Variants in COL24A1 observed in about 807,000 individuals in gnomAD.
COL24A1 encodes collagen alpha-1(XXIV) chain.
COL24A1 carries 224 observed loss-of-function variants against 253.9 expected under a neutral mutation model. The ratio of observed to expected loss-of-function variants is 0.88; its 90% CI spans 0.79 to 0.99. The LOEUF (loss-of-function observed/expected upper bound fraction) is 0.99, where lower values mean the gene tolerates loss of function less well. COL24A1 is among the 50% of genes least tolerant of loss of function. COL24A1 has a pLI of 0.00. For missense variants in COL24A1, 2,131 were observed against 2,068.5 expected (o/e 1.03, Z -0.59); for synonymous variants, 685 against 673.7 (o/e 1.02, Z -0.26).
At chr1:85,866,525 G>A (rs914214581) in intron 37 of COL24A1, among the ~76,000 whole-genome samples, 5 of 152,172 alleles carry the variant, frequency 3.3e-5, no homozygotes, top group Middle Eastern at 3.4e-3. Context: ...TGTAATCCCA[G>A]CACTTTGGAA....
chr1:85,732,316 G>A lies in COL24A1; in HGVS notation c.4999-1624C>T, dbSNP rs189661771. 2.6e-4 allele frequency among the ~76,000 whole-genome samples: 39 copies of A among 151,138 alleles called. 1 individual carries two copies. The East Asian group carries it at 7.0e-3, about 27-fold the overall frequency. ...GCAATCTAGGCTCACTGCAAGCTCC[G>A]CCTCCCAGGTTCACGCCATTCTCCT... On this transcript the variant is annotated intron_variant, in intron 59 of 59. Transcript: ENST00000370571.
intron 24 of COL24A1, among the ~76,000 whole-genome samples, chr1:85,953,457 T>C (rs1690127551): frequency 6.6e-6 from 1 of 152,234 alleles, no homozygotes; most frequent in African/African-American, 2.4e-5. Flanking sequence ...AGAGGACTAA[T>C]GTTTTGGCAA....
At chr1:86,008,494 C>A (rs900210053) in intron 19 of COL24A1, among the ~76,000 whole-genome samples, 2 of 152,182 alleles carry the variant, frequency 1.3e-5, no homozygotes, top group Non-Finnish European at 2.9e-5. Flanking sequence ...CAATCCCCGG[C>A]CTATTTCTTT....
At chr1:86,060,308 T>G (rs1266471287) in intron 8 of COL24A1, among the ~76,000 whole-genome samples, 1 of 152,128 alleles carries the variant, frequency 6.6e-6, no homozygotes, top group African/African-American at 2.4e-5. Context: ...CAGAAGAAAG[T>G]GTGTTGAGCT....
intron 7 of COL24A1, among the ~76,000 whole-genome samples, chr1:86,071,321 G>C (rs532829228): frequency 1.5e-4 from 23 of 151,404 alleles, no homozygotes; most frequent in Non-Finnish European, 3.1e-4. Context: ...TGAAAAACTG[G>C]AATGGAGGAA....
intron 37 of COL24A1, among the ~76,000 whole-genome samples, chr1:85,858,425 C>T (rs1444738523): frequency 6.6e-6 from 1 of 152,112 alleles, no homozygotes; most frequent in Non-Finnish European, 1.5e-5. Flanking sequence ...CCCCTTCTGC[C>T]TTAGGGCCTT....
At chr1:86,027,396 G>A (rs1197018018) in intron 14 of COL24A1, among the ~76,000 whole-genome samples, 1 of 152,146 alleles carries the variant, frequency 6.6e-6, no homozygotes, top group Non-Finnish European at 1.5e-5. Flanking sequence ...TTTTTGGGCT[G>A]GGCCTAGAGC....
intron 7 of COL24A1, among the ~76,000 whole-genome samples, chr1:86,067,299 G>A (rs956264759): frequency 1.3e-5 from 2 of 152,158 alleles, no homozygotes; most frequent in Non-Finnish European, 2.9e-5. Context: ...AAGAGAGTGG[G>A]TTGGGTAGGA....
In COL24A1 at chr1:85,816,892, G is replaced by T. The variant is rs1031395804; in HGVS notation, c.3847C>A (p.Leu1283Ile). Residue 1283 changes from leucine to isoleucine, a missense_variant, in exon 47 of 60, where the codon CTT becomes ATT. Physicochemically the swap from Leu to Ile is conservative, Grantham distance 5. Coordinates refer to ENST00000370571, the MANE Select transcript of COL24A1 (RefSeq NM_152890.7). ...CCTTTTGGCCCAAGTAGGCCTTGAA[G>T]TCCCTTGATAATTAAAAATTATTTG... is the stretch of plus-strand genomic sequence containing the variant. ...GPSGKPGIPGLQGLLGPKGIQ... is the reference protein window; with the variant it reads ...GPSGKPGIPGIQGLLGPKGIQ... 3.7e-6 allele frequency: 6 copies of T among 1,609,716 alleles called. No homozygotes were observed. The highest frequency in any genetic ancestry group is 1.3e-5 in the African/African-American group (1 of 74,794).
chr1:85,729,477 A>G lies in COL24A1; in HGVS notation c.*1069T>C, dbSNP rs1393525446. 3.9e-5 allele frequency: 6 copies of G among 152,566 alleles called. No individual in the cohort carries two copies. The highest frequency in any genetic ancestry group is 1.4e-4 in the African/African-American group (6 of 41,444). The allele number at this position is 152,566 out of a possible 1,614,324, so 9.5% of individuals were successfully genotyped here. ...ACTGGTAAATTAAAAATTTTAAAGT[A>G]CTAACACTAAATTTAAGTACAGTGA... is the stretch of plus-strand genomic sequence containing the variant. On this transcript the variant is annotated 3_prime_UTR_variant, in exon 60 of 60. Coordinates refer to ENST00000370571, the MANE Select transcript of COL24A1 (RefSeq NM_152890.7).
chr1:86,102,861 T>G (rs372825110), intron 5 of COL24A1, among the ~76,000 whole-genome samples: 5 of 152,294 alleles, frequency 3.3e-5, no homozygotes, highest in African/African-American at 1.2e-4. Context: ...TTCTGTTGTT[T>G]TGGGTGGTGA....
rs1437375576 is a variant in COL24A1 at position 85,783,451 on chromosome 1, G to A, written c.4284+45C>T. 5 of 1,551,480 alleles carry A rather than the reference G, an allele frequency of 3.2e-6. No individual in the cohort carries two copies. The Admixed American group carries it at 5.1e-5, about 16-fold the overall frequency. On this transcript the variant is annotated intron_variant, in intron 51 of 59. Coordinates refer to ENST00000370571, the MANE Select transcript of COL24A1 (RefSeq NM_152890.7). ...TTAGAGCTCTTAAGCCCTGCAGTAA[G>A]CAAAGAACCACAATTTCTGGTAGGC...
chr1:85,771,563 C>T (rs1313213206), intron 53 of COL24A1, among the ~76,000 whole-genome samples: 5 of 152,086 alleles, frequency 3.3e-5, no homozygotes, highest in African/African-American at 7.2e-5. Context: ...AATAAACATA[C>T]GTGTGCATGT....
intron 5 of COL24A1, among the ~76,000 whole-genome samples, chr1:86,101,869 T>C (rs1704485958): frequency 6.6e-6 from 1 of 152,118 alleles, no homozygotes; most frequent in African/African-American, 2.4e-5. Flanking sequence ...TCTGCCAGGT[T>C]TTAGTATCGG....
At chr1:85,949,983 G>A (rs1571338998) in intron 24 of COL24A1, among the ~76,000 whole-genome samples, 1 of 151,962 alleles carries the variant, frequency 6.6e-6, no homozygotes, top group African/African-American at 2.4e-5. Context: ...CTCAGCCTCT[G>A]TACATGTTCT....
chr1:85,835,999 G>C (rs1398160447), intron 43 of COL24A1, among the ~76,000 whole-genome samples: 1 of 152,132 alleles, frequency 6.6e-6, no homozygotes, highest in Non-Finnish European at 1.5e-5. Flanking sequence ...TGGAGGAAAG[G>C]AGCATCCTCA....
rs113800647 is a variant in COL24A1, at chr1:85,856,227, A to T, written c.3301-6821T>A. On this transcript the variant is annotated intron_variant, in intron 37 of 59. Coordinates refer to ENST00000370571, the MANE Select transcript of COL24A1 (RefSeq NM_152890.7). Reference sequence around the variant, plus strand: ...GTTCAGCTTTGATTTTGGTTATTTCAGCTTTTGGGTTTGTTTTGCTCCTGT... The same window carrying T: ...GTTCAGCTTTGATTTTGGTTATTTCTGCTTTTGGGTTTGTTTTGCTCCTGT... 3.9e-3 allele frequency among the ~76,000 whole-genome samples: 587 copies of T among 151,504 alleles called. 1 individual carries two copies. The highest frequency in any genetic ancestry group is 0.011 in the South Asian group (55 of 4,792).
chr1:86,115,436 G>T (rs1009376066), intron 3 of COL24A1, 58 bp from the exon 4 acceptor site: 2 of 1,505,636 alleles, frequency 1.3e-6, no homozygotes, highest in African/African-American at 2.8e-5. Flanking sequence ...ATTTTCTTAC[G>T]AGTCTGAATA....
chr1:85,838,697 G>T, intron 42 of COL24A1, 59 bp from the exon 43 acceptor site: 1 of 1,476,420 alleles, frequency 6.8e-7, no homozygotes, highest in Non-Finnish European at 9.4e-7. Context: ...ATATGCGAAT[G>T]CAGGTGATAA....
Sources: allele counts gnomAD v4.1 joint callset (sites outside exome capture counted in the v4.1 genomes callset), GRCh38; gene constraint gnomAD v4.1.1; transcripts MANE v1.5; gene names NCBI Gene and HGNC (gene_info 2026-07-23, HGNC 2026-07-21).